Variants in IK observed in about 807,000 individuals in gnomAD.
IK encodes protein Red.
IK carries 47 observed loss-of-function variants against 90.9 expected under a neutral mutation model. The observed-to-expected ratio is 0.52, with a 90% CI of 0.41 to 0.66. The LOEUF is 0.66. IK is among the 30% of genes least tolerant of loss of function. The pLI is 0.00. For missense variants in IK, 385 were observed against 709.3 expected (o/e 0.54, Z 5.19); for synonymous variants, 201 against 227.5 (o/e 0.88, Z 1.05).
In IK at chr5:140,654,380, C is replaced by T. The variant is rs1028391469; in HGVS notation, c.520-136C>T. 4 of 720,946 alleles carry T rather than the reference C, an allele frequency of 5.5e-6. No homozygotes were observed. In the African/African-American group the frequency reaches 7.2e-5, roughly 13 times the overall value. The allele number at this position is 720,946 out of a possible 1,614,324, so 44.7% of individuals were successfully genotyped here. A position where few individuals can be genotyped will look rare whatever the true frequency, so the allele number is the denominator to read the frequency against. On this transcript the variant is annotated intron_variant, in intron 6 of 19. Transcript: ENST00000417647. ...TTGTTTAATTTGTCTGTCTCATCTGCTATAAGCTCCATTAGAGTAAGAACA... is the reference window on the plus strand; with the variant it reads ...TTGTTTAATTTGTCTGTCTCATCTGTTATAAGCTCCATTAGAGTAAGAACA...
At chr5:140,654,149 C>A in intron 6 of IK, 97 bp downstream of exon 6, 2 of 741,544 alleles carry the variant, frequency 2.7e-6, no homozygotes, top group Non-Finnish European at 4.7e-6. Context: ...AGAGTTCAGA[C>A]TGAGTAGAAG....
chr5:140,658,807 G>A (rs772494398), intron 11 of IK, 31 bp downstream of exon 11: 1 of 1,603,610 alleles, frequency 6.2e-7, no homozygotes, highest in Non-Finnish European at 8.5e-7. Flanking sequence ...CATCTGATCA[G>A]AGGGAGGGGG....
chr5:140,653,281 C>T, intron 5 of IK, 137 bp downstream of exon 5: 1 of 578,942 alleles, frequency 1.7e-6, no homozygotes, highest in Non-Finnish European at 2.9e-6. Context: ...CCACAAAGGG[C>T]TGTTCTTTTT....
intron 15 of IK, 103 bp from the exon 16 acceptor site, chr5:140,660,655 G>A (rs1250680588): frequency 2.4e-6 from 2 of 841,776 alleles, no homozygotes; most frequent in Non-Finnish European, 4.0e-6. Context: ...GGAGGTCTAG[G>A]GGGTGGTCAT....
rs375705668 is a variant in IK at position 140,659,765 on chromosome 5, C to G, written c.1205C>G (p.Ser402Cys). 5 of 1,593,092 alleles carry G rather than the reference C, an allele frequency of 3.1e-6. No individual in the cohort carries two copies. The African/African-American group carries it at 6.7e-5, about 21-fold the overall frequency. Residue 402 changes from serine to cysteine, a missense_variant, in exon 14 of 20, where the codon TCT (serine) becomes TGT (cysteine). Around this residue, in one of 8 missense-constraint regions of IK, gnomAD observed 139 missense variants for 172.0 expected, o/e 0.81. Transcript: ENST00000417647. ...EPMDVDKGPG[S>C]TKELIKSINE... is the part of the protein sequence containing the mutation. ...TTCTCTTTTCTCCTAGGACCTGGGT[C>G]TACCAAGGAGTTGATCAAGTCCATC...
At chr5:140,651,215 G>GCTGAGGTGGGCAGATCAC (rs1232026714) in intron 2 of IK, among the ~76,000 whole-genome samples, 1 of 152,120 alleles carries the variant, frequency 6.6e-6, no homozygotes, top group Non-Finnish European at 1.5e-5. Context: ...ACTTTGGGAG[G>GCTGAGGTGGGCAGATCAC]CTGAGGTGGG....
chr5:140,658,044 G>A (rs1433021954), intron 10 of IK, among the ~76,000 whole-genome samples: 1 of 152,160 alleles, frequency 6.6e-6, no homozygotes, highest in Non-Finnish European at 1.5e-5. Context: ...CTGTCACCCA[G>A]GCTGGAGTAC....
In IK at chr5:140,660,212, T is replaced by G. The variant is rs770117038; in HGVS notation, c.1355+17T>G. On this transcript the variant is annotated intron_variant, in intron 15 of 19. Transcript: ENST00000417647. ...CCCAGCCACGTATGTGAAACCTGGT[T>G]AAGGAAGGGAGGCTGGGATGATTGG... is the stretch of plus-strand genomic sequence containing the variant. 41 of 1,582,988 alleles carry G rather than the reference T, an allele frequency of 2.6e-5. No individual in the cohort carries two copies. The Admixed American group carries it at 5.5e-4, about 21-fold the overall frequency.
In IK at chr5:140,661,584, C is replaced by T. The variant is rs1164838888; in HGVS notation, c.1414-36C>T. ...TGAAATTCCATTTCCACTGACATCT[C>T]TTCCTTCCCCATCCCCCGATTCTGT... On this transcript the variant is annotated intron_variant, in intron 16 of 19. Coordinates refer to ENST00000417647, the MANE Select transcript of IK (RefSeq NM_006083.4). This position sits in a 1 kb window ranked among gnomAD's most constrained non-coding sequence, Gnocchi z 4.2. 1 of 1,455,016 alleles carries T rather than the reference C, an allele frequency of 6.9e-7. No homozygotes were observed. The highest frequency in any genetic ancestry group is 1.9e-5 in the Admixed American group (1 of 52,164). 90.1% of individuals were successfully genotyped at this position (1,455,016 alleles called of 1,614,324 possible).
rs1214006708 is a variant in IK, at chr5:140,657,469, G to C, written c.802-85G>C. 5 of 935,452 alleles carry C rather than the reference G, an allele frequency of 5.3e-6. No homozygotes were observed. In the East Asian group the frequency reaches 9.8e-5, roughly 18 times the overall value. The allele number at this position is 935,452 out of a possible 1,614,324, so 57.9% of individuals were successfully genotyped here. A position where few individuals can be genotyped will look rare whatever the true frequency, so the allele number is the denominator to read the frequency against. ...CCTTCACCTACTGTATTGTAATTCAGTCTTTAGTTTGTTAAGTGAATGAAT... is the reference window on the plus strand; with the variant it reads ...CCTTCACCTACTGTATTGTAATTCACTCTTTAGTTTGTTAAGTGAATGAAT... On this transcript the variant is annotated intron_variant, in intron 9 of 19. Coordinates refer to ENST00000417647, the MANE Select transcript of IK (RefSeq NM_006083.4).
chr5:140,654,814 C>A (rs757037597), intron 8 of IK, 87 bp downstream of exon 8: 2 of 850,114 alleles, frequency 2.4e-6, no homozygotes, highest in Non-Finnish European at 3.8e-6. Context: ...CTTCTCCTTT[C>A]CCCCAACCTC....
Position 140,661,881 on chromosome 5 carries a change from C to A in IK, c.1503-18C>A. ...CTATGCAATCTCTGATGCATTCTTT[C>A]CCAACTGCTTTTTTCAGGGCTGCAT... is the stretch of plus-strand genomic sequence containing the variant. On this transcript the variant is annotated intron_variant, in intron 17 of 19. Transcript: ENST00000417647. This position sits in a 1 kb window ranked among gnomAD's most constrained non-coding sequence, Gnocchi z 4.2. The A allele has an allele frequency of 1.3e-6, 2 of 1,591,098 alleles. No individual in the cohort carries two copies. Among genetic ancestry groups the A allele is most frequent in the East Asian group, 2.3e-5 (1 of 44,088 alleles).
intron 6 of IK, 52 bp downstream of exon 6, chr5:140,654,104 G>A (rs2149806409): frequency 2.0e-6 from 2 of 1,015,984 alleles, no homozygotes; most frequent in South Asian, 2.7e-5. Context: ...GAATGCTCTT[G>A]TATGGGTCTG....
At chr5:140,648,931 G>T (rs1293243839) in intron 2 of IK, 2 of 216,624 alleles carry the variant, frequency 9.2e-6, no homozygotes, top group South Asian at 1.0e-4. Context: ...TCCGCCTCCC[G>T]GGTTCAAGCA....
intron 10 of IK, 54 bp downstream of exon 10, chr5:140,657,716 A>G (rs761309890): frequency 8.5e-7 from 1 of 1,172,896 alleles, no homozygotes; most frequent in Non-Finnish European, 1.2e-6. Flanking sequence ...TTTGGGGATA[A>G]AACCAAGGTC....
At chr5:140,658,412 G>A (rs1045398273) in intron 10 of IK, among the ~76,000 whole-genome samples, 2 of 152,060 alleles carry the variant, frequency 1.3e-5, no homozygotes, top group African/African-American at 2.4e-5. Flanking sequence ...CTGCCTCCTG[G>A]GTTTAAGCAA....
Position 140,658,772 on chromosome 5 carries a change from A to G in IK, c.946A>G (p.Met316Val), listed in dbSNP as rs756246130. 7 of 1,611,626 alleles carry G rather than the reference A, an allele frequency of 4.3e-6. No individual in the cohort carries two copies. The highest frequency in any genetic ancestry group is 1.1e-5 in the South Asian group (1 of 90,638). The change falls in exon 11 of 20, where the codon ATG becomes GTG. Residue 316 changes from methionine (M) to valine (V), a missense_variant. Met to Val is a conservative substitution (Grantham distance 21, BLOSUM62 1). Around this residue, in one of 8 missense-constraint regions of IK, gnomAD observed 139 missense variants for 172.0 expected, o/e 0.81. Transcript: ENST00000417647. ...LEEKKPPEADMNIFEDIGDYV... is the reference protein window; with the variant it reads ...LEEKKPPEADVNIFEDIGDYV... ...AGAGAAGAAACCTCCTGAGGCTGAC[A>G]TGAAGTATGTATCCTAGCCCCTGGC...
chr5:140,660,578 G>A, intron 15 of IK, 180 bp from the exon 16 acceptor site: 2 of 579,042 alleles, frequency 3.5e-6, no homozygotes, highest in Non-Finnish European at 6.2e-6. Flanking sequence ...GATTACAGGA[G>A]TGAGCCACTG....
At chr5:140,649,205 TTTTC>T (rs1431547239) in intron 2 of IK, among the ~76,000 whole-genome samples, 1 of 150,730 alleles carries the variant, frequency 6.6e-6, no homozygotes, top group South Asian at 2.1e-4. Flanking sequence ...TTTTCTTTTC[TTTTC>T]TTTCTTTTTT....
Sources: gnomAD v4.1 joint callset for allele counts (sites outside exome capture counted in the v4.1 genomes callset) on GRCh38, gnomAD v4.1.1 for gene constraint, gnomAD v4.1.1 regional missense constraint, Gnocchi (gnomAD v3.1) non-coding constraint, MANE v1.5 for transcripts, NCBI Gene and HGNC (gene_info 2026-07-23, HGNC 2026-07-21) for gene names.